Variants in FAN1 observed in about 807,000 individuals in gnomAD.
FAN1 encodes fanconi-associated nuclease 1.
In FAN1, 91 loss-of-function variants were observed where a neutral mutation model predicts 104.9. The observed-to-expected ratio is 0.87, with a 90% CI of 0.73 to 1.03. The LOEUF (loss-of-function observed/expected upper bound fraction) is 1.03, where lower values mean the gene tolerates loss of function less well. FAN1 is among the 50% of genes least tolerant of loss of function. The pLI is 0.00. For missense variants in FAN1, 1,263 were observed against 1,239.9 expected, an observed-to-expected ratio of 1.02 and a Z score of -0.28; for synonymous variants, 478 against 457.6, an observed-to-expected ratio of 1.04 and a Z score of -0.57.
intron 6 of FAN1, among the ~76,000 whole-genome samples, chr15:30,919,336 C>T (rs1172295683): frequency 5.8e-5 from 8 of 138,604 alleles, no homozygotes; most frequent in Non-Finnish European, 1.2e-4. Flanking sequence ...GCTGAGATCA[C>T]GCCATTGCAC....
chr15:30,940,611 C>G (rs2063012598), intron 14 of FAN1: 1 of 985,364 alleles, frequency 1.0e-6, no homozygotes, highest in Non-Finnish European at 1.2e-6. Context: ...GCATAGATGG[C>G]ACTCTCCTGT....
chr15:30,938,165 CAG>C (rs2062918821), intron 14 of FAN1, among the ~76,000 whole-genome samples: 1 of 150,558 alleles, frequency 6.6e-6, no homozygotes. Context: ...GCCTGGGAGA[CAG>C]AGCGAGACTC....
At chr15:30,940,417 T>C (rs75814343) in intron 14 of FAN1, 41,565 of 985,374 alleles carry the variant, frequency 0.042, 1,050 homozygotes, top group Admixed American at 0.12. Context: ...ATTTTTTTAT[T>C]TCTCCTCTAT....
chr15:30,925,874 C>T lies in FAN1; in HGVS notation c.2423C>T (p.Thr808Ile), dbSNP rs2062449529. The T allele has an allele frequency of 6.2e-7, 1 of 1,614,242 alleles. No individual in the cohort carries two copies. Among genetic ancestry groups the T allele is most frequent in the Non-Finnish European group, 8.5e-7 (1 of 1,180,046 alleles). Residue 808 changes from threonine (T) to isoleucine (I), a missense_variant, in exon 10 of 15, where the codon ACC (threonine) becomes ATC (isoleucine). Thr to Ile is a moderately conservative substitution (Grantham distance 89, BLOSUM62 -1). Coordinates refer to ENST00000362065, the MANE Select transcript of FAN1 (RefSeq NM_014967.5). ...GAGGCCGGGGAGGCCGCTGACCCCA[C>T]CACGGTCCTGTGCTCTGTGGAGGAG... is the stretch of plus-strand genomic sequence containing the variant. ...VMEAGEAADP[T>I]TVLCSVEELA... is the part of the protein sequence containing the mutation.
chr15:30,904,863 A>G lies in FAN1; in HGVS notation c.200A>G (p.Asn67Ser), dbSNP rs562301610. 1 of 1,613,586 alleles carries G rather than the reference A, an allele frequency of 6.2e-7. No individual in the cohort carries two copies. ...CACCTTGATGAAATGTGTGCTAACA[A>G]TGACTTCGTTCAAGTGGATCCAGGG... ...NRHLDEMCANNDFVQVDPGQV... is the reference protein window; with the variant it reads ...NRHLDEMCANSDFVQVDPGQV... Residue 67 changes from asparagine to serine, a missense_variant, in exon 2 of 15, where the codon AAT becomes AGT. By Grantham distance (46) the Asn-to-Ser change is conservative. Coordinates refer to ENST00000362065, the MANE Select transcript of FAN1 (RefSeq NM_014967.5).
At position 30,918,252 on chromosome 15, in the gene FAN1, G is replaced by C. The variant is rs1047566787; in HGVS notation, c.1900G>C (p.Ala634Pro). The change falls in exon 6 of 15, where the codon GCA (alanine) becomes CCA (proline). Residue 634 changes from alanine (A) to proline (P), a missense_variant. Physicochemically the swap from Ala to Pro is conservative, Grantham distance 27 (BLOSUM62 -1). Transcript: ENST00000362065. ...WEEAKELAQC[A>P]KRDWNRLKNH... ...AGAAGCTAAGGAGCTCGCTCAGTGT[G>C]CAAAAAGGGATTGGAACAGACTGAA... 1.2e-6 allele frequency: 2 copies of C among 1,614,076 alleles called. No homozygotes were observed.
At chr15:30,930,820 C>T (rs556357481) in intron 13 of FAN1, 149 bp downstream of exon 13, 14 of 935,494 alleles carry the variant, frequency 1.5e-5, no homozygotes, top group South Asian at 1.0e-4. Context: ...GTGGGCCTGT[C>T]CCCTGCGACT....
In FAN1 at chr15:30,941,824, GCA is replaced by G. The variant is rs2140986593; in HGVS notation, c.*265_*266del. 6.2e-7 allele frequency: 1 copy of G among 1,614,072 alleles called. No individual in the cohort carries two copies. Among genetic ancestry groups the G allele is most frequent in the Non-Finnish European group, 8.5e-7 (1 of 1,179,908 alleles). ...GGGCCTCGGGAACCCAGCGGAAGTA[GCA>G]CAGTTTCCACAGTTTTATGTGTGTT... is the stretch of plus-strand genomic sequence containing the variant. On this transcript the variant is annotated 3_prime_UTR_variant, in exon 15 of 15. Coordinates refer to ENST00000362065, the MANE Select transcript of FAN1 (RefSeq NM_014967.5).
intron 6 of FAN1, 53 bp from the exon 7 acceptor site, chr15:30,920,487 ATTGTC>A: frequency 1.9e-6 from 2 of 1,071,734 alleles, no homozygotes; most frequent in South Asian, 2.7e-5. Flanking sequence ...ACTTGTTATT[ATTGTC>A]TTATAATAAA....
intron 5 of FAN1, among the ~76,000 whole-genome samples, chr15:30,917,438 TAAG>T (rs1025894467): frequency 5.9e-5 from 9 of 152,202 alleles, no homozygotes; most frequent in Admixed American, 1.3e-4. Flanking sequence ...GAATGAGATC[TAAG>T]AATTTGTGAG....
chr15:30,926,054 A>G, intron 10 of FAN1, 115 bp downstream of exon 10: 1 of 1,061,362 alleles, frequency 9.4e-7, no homozygotes, highest in Non-Finnish European at 1.4e-6. Flanking sequence ...TCACAGTGGA[A>G]GATGCTGTGG....
At chr15:30,922,569 G>C (rs2062360317) in intron 8 of FAN1, among the ~76,000 whole-genome samples, 1 of 152,162 alleles carries the variant, frequency 6.6e-6, no homozygotes, top group Non-Finnish European at 1.5e-5. Flanking sequence ...TCTTCTCTTT[G>C]CTGATTGGCG....
chr15:30,922,083 C>G, intron 7 of FAN1, 152 bp from the exon 8 acceptor site: 1 of 959,506 alleles, frequency 1.0e-6, no homozygotes, highest in South Asian at 1.7e-5. Flanking sequence ...ACCTCAAAGT[C>G]CCTGTCCTGT....
chr15:30,943,071 T>G lies in FAN1; in HGVS notation c.*1509T>G. The G allele has an allele frequency of 6.6e-7, 1 of 1,525,234 alleles. No individual in the cohort carries two copies. Among genetic ancestry groups the G allele is most frequent in the Non-Finnish European group, 8.8e-7 (1 of 1,139,846 alleles). The allele number at this position is 1,525,234 out of a possible 1,614,324, so 94.5% of individuals were successfully genotyped here. On this transcript the variant is annotated 3_prime_UTR_variant, in exon 15 of 15. Coordinates refer to ENST00000362065, the MANE Select transcript of FAN1 (RefSeq NM_014967.5). ...TTGGATGTTTTTGCTTATAGCAAAT[T>G]CCTGCAAAATAAATAAATAAATATT...
intron 1 of FAN1, among the ~76,000 whole-genome samples, chr15:30,904,300 A>G (rs2061917729): frequency 6.6e-6 from 1 of 152,170 alleles, no homozygotes; most frequent in Admixed American, 6.5e-5. Flanking sequence ...AAGATGTCCT[A>G]GAAATTACCC....
At chr15:30,941,363 A>C in intron 14 of FAN1, 1 of 1,538,060 alleles carries the variant, frequency 6.5e-7, no homozygotes. Context: ...TCCAACTATT[A>C]TTCTTACATA....
rs1267113961 is a variant in FAN1 at position 30,929,827 on chromosome 15, TATATA to T, written c.2787+441_2787+445del. 7.5e-5 allele frequency among the ~76,000 whole-genome samples: 6 copies of T among 79,956 alleles called. 1 individual carries two copies. The highest frequency in any genetic ancestry group is 3.0e-4 in the South Asian group (1 of 3,346). The allele number at this position is 79,956 out of a possible 152,430, so 52.5% of individuals were successfully genotyped here. ...ATAAAATATATAATATATTATATCA[TATATA>T]ATATAATATATAAAATATATATCAT... On this transcript the variant is annotated intron_variant, in intron 12 of 14. Transcript: ENST00000362065.
intron 14 of FAN1, chr15:30,941,299 A>AAAAT (rs1174060396): frequency 1.3e-6 from 2 of 1,518,574 alleles, no homozygotes; most frequent in Admixed American, 2.0e-5. Flanking sequence ...CATCTCTCTT[A>AAAAT]AAATAAGTGT....
chr15:30,908,906 A>G (rs1361632515), intron 3 of FAN1, among the ~76,000 whole-genome samples: 1 of 152,186 alleles, frequency 6.6e-6, no homozygotes, highest in Non-Finnish European at 1.5e-5. Flanking sequence ...CATCTTACTC[A>G]GAGTCCTCTT....
Sources: allele counts gnomAD v4.1 joint callset (sites outside exome capture counted in the v4.1 genomes callset), GRCh38; gene constraint gnomAD v4.1.1; transcripts MANE v1.5; gene names NCBI Gene and HGNC (gene_info 2026-07-23, HGNC 2026-07-21).